KLHL32: variants seen among roughly 807,000 people sequenced by gnomAD.
KLHL32 encodes the protein kelch-like protein 32.
Under a neutral mutation model 64.8 loss-of-function variants are expected in KLHL32, and 35 were observed. The ratio of observed to expected loss-of-function variants is 0.54; its 90% CI spans 0.41 to 0.72. The LOEUF is 0.72. Ranked by LOEUF, KLHL32 falls within the 30% of genes least tolerant of loss-of-function variation. The pLI, the probability that KLHL32 is intolerant of heterozygous loss-of-function variation, is 0.00. For missense variants in KLHL32, 589 were observed against 768.5 expected (o/e 0.77, Z 2.76); for synonymous variants, 259 against 281.0 (o/e 0.92, Z 0.78).
chr6:97,019,697 A>G lies in KLHL32; in HGVS notation c.205-21795A>G, dbSNP rs117387465. On this transcript the variant is annotated intron_variant, in intron 3 of 10. Coordinates refer to ENST00000369261, the MANE Select transcript of KLHL32 (RefSeq NM_052904.4). ...TTAAAAATAGGAGACATCCAAAATAAGAGCTATGCTTTCAACCGTAATAAA... is the reference window on the plus strand; with the variant it reads ...TTAAAAATAGGAGACATCCAAAATAGGAGCTATGCTTTCAACCGTAATAAA... Among the ~76,000 whole-genome samples, 43 of 152,344 alleles carry G rather than the reference A, an allele frequency of 2.8e-4. 1 individual carries two copies. In the East Asian group the frequency reaches 6.9e-3, roughly 25 times the overall value.
upstream of KLHL32, among the ~76,000 whole-genome samples, chr6:96,920,290 T>C (rs777591425): frequency 6.6e-6 from 1 of 152,330 alleles, no homozygotes; most frequent in Non-Finnish European, 1.5e-5. Flanking sequence ...CACTGAGTCT[T>C]CATTCAACTA....
At chr6:97,040,804 G>T (rs899528731) in intron 3 of KLHL32, among the ~76,000 whole-genome samples, 1 of 152,188 alleles carries the variant, frequency 6.6e-6, no homozygotes, top group African/African-American at 2.4e-5. Context: ...ATGATAGTGA[G>T]TGAGTTCTCA....
chr6:97,036,233 A>G (rs1288526041), intron 3 of KLHL32, among the ~76,000 whole-genome samples: 4 of 152,152 alleles, frequency 2.6e-5, no homozygotes, highest in Non-Finnish European at 5.9e-5. Flanking sequence ...TATGTATTAC[A>G]TAAAATTTAC....
At chr6:96,918,815 T>C in the KLHL32 span, among the ~76,000 whole-genome samples, 2 of 152,220 alleles carry the variant, frequency 1.3e-5, no homozygotes, top group African/African-American at 4.8e-5. Context: ...AAATGTGTTT[T>C]GAAGCAGTAA....
intron 1 of KLHL32, among the ~76,000 whole-genome samples, chr6:96,951,302 TC>T (rs1281792759): frequency 4.6e-5 from 7 of 152,110 alleles, no homozygotes; most frequent in Admixed American, 3.9e-4. Context: ...TACACCTTGT[TC>T]CTGGAGTATT....
At position 97,140,521 on chromosome 6, in the gene KLHL32, T is replaced by TACA. The variant is rs1302144251; in HGVS notation, c.*1245_*1247dup. 5 of 152,074 alleles carry TACA rather than the reference T, an allele frequency of 3.3e-5. No homozygotes were observed. The highest frequency in any genetic ancestry group is 7.2e-5 in the African/African-American group (3 of 41,464). 9.4% of individuals were successfully genotyped at this position (152,074 alleles called of 1,614,324 possible). On this transcript the variant is annotated 3_prime_UTR_variant, in exon 11 of 11. Transcript: ENST00000369261. ...TGCTTTGTCTATAACAAAAAATAAA[T>TACA]ACAACAACTTAATAATCACATTTGA...
At chr6:97,051,031 A>C (rs1786818125) in intron 4 of KLHL32, among the ~76,000 whole-genome samples, 1 of 147,106 alleles carries the variant, frequency 6.8e-6, no homozygotes, top group Non-Finnish European at 1.5e-5. Context: ...AACAAAAAAC[A>C]CATGTGTTTG....
intron 4 of KLHL32, among the ~76,000 whole-genome samples, chr6:97,060,307 G>A (rs1412258000): frequency 6.6e-6 from 1 of 152,198 alleles, no homozygotes; most frequent in African/African-American, 2.4e-5. Context: ...AATCCAAGAG[G>A]CTAGGTATAA....
intron 3 of KLHL32, among the ~76,000 whole-genome samples, chr6:96,980,727 T>G (rs374068275): frequency 3.9e-5 from 6 of 152,258 alleles, no homozygotes; most frequent in Middle Eastern, 3.4e-3. Flanking sequence ...GTAGTTTTAG[T>G]AGGAATTGTA....
chr6:96,962,833 T>C (rs1375317776), intron 1 of KLHL32, among the ~76,000 whole-genome samples: 1 of 152,204 alleles, frequency 6.6e-6, no homozygotes, highest in African/African-American at 2.4e-5. Flanking sequence ...CCTAGCTGCA[T>C]ATTGATATGT....
Position 97,064,615 on chromosome 6 carries a change from A to G in KLHL32, c.313-13A>G. Reference sequence around the variant, plus strand: ...GTAACTGATAGTTTTATTTTTGTTAACAAACAAAACAGATTTTGCTGGAGC... The same window carrying G: ...GTAACTGATAGTTTTATTTTTGTTAGCAAACAAAACAGATTTTGCTGGAGC... On this transcript the variant is annotated splice_polypyrimidine_tract_variant and intron_variant, in intron 4 of 10. Transcript: ENST00000369261. The G allele has an allele frequency of 6.2e-7, 1 of 1,604,778 alleles. No individual in the cohort carries two copies. The highest frequency in any genetic ancestry group is 1.1e-5 in the South Asian group (1 of 90,648).
At chr6:97,008,076 G>A (rs145738392) in intron 3 of KLHL32, among the ~76,000 whole-genome samples, 10 of 152,330 alleles carry the variant, frequency 6.6e-5, no homozygotes, top group Non-Finnish European at 1.2e-4. Flanking sequence ...GGTGGTTGTG[G>A]TGGTGGTGAC....
At chr6:97,058,107 TC>T (rs751344648) in intron 4 of KLHL32, among the ~76,000 whole-genome samples, 1 of 152,320 alleles carries the variant, frequency 6.6e-6, no homozygotes. Context: ...TTGATCTGTT[TC>T]TCTCTTCTTT....
At chr6:97,077,168 G>A (rs1791723113) in intron 5 of KLHL32, among the ~76,000 whole-genome samples, 1 of 152,170 alleles carries the variant, frequency 6.6e-6, no homozygotes, top group Non-Finnish European at 1.5e-5. Flanking sequence ...CCAAGCTGGA[G>A]TGGCCTGCCT....
chr6:96,909,351 G>T, the KLHL32 span, among the ~76,000 whole-genome samples: 2 of 152,166 alleles, frequency 1.3e-5, no homozygotes, highest in Admixed American at 6.5e-5. Flanking sequence ...TGTCACGAAG[G>T]CTTATTTTTG....
chr6:96,939,833 C>G (rs568516693), intron 1 of KLHL32, among the ~76,000 whole-genome samples: 1 of 152,090 alleles, frequency 6.6e-6, no homozygotes, highest in East Asian at 1.9e-4. Context: ...TACAGGGGAA[C>G]AGTAATCAGA....
intron 4 of KLHL32, among the ~76,000 whole-genome samples, chr6:97,049,212 A>G (rs1217789938): frequency 1.3e-5 from 2 of 152,234 alleles, no homozygotes; most frequent in Non-Finnish European, 2.9e-5. Flanking sequence ...CAATAAGATT[A>G]ACAACAATTA....
At chr6:96,958,621 T>G (rs1459621888) in intron 1 of KLHL32, among the ~76,000 whole-genome samples, 1 of 152,198 alleles carries the variant, frequency 6.6e-6, no homozygotes, top group African/African-American at 2.4e-5. Flanking sequence ...AGTAGGGCAG[T>G]GAGACGATCA....
At chr6:97,099,780 C>T (rs1161401345) in intron 6 of KLHL32, among the ~76,000 whole-genome samples, 1 of 151,910 alleles carries the variant, frequency 6.6e-6, no homozygotes, top group Non-Finnish European at 1.5e-5. Flanking sequence ...ACTTATCTGA[C>T]ATTTATTGTT....
Sources: gnomAD v4.1 joint callset for allele counts (sites outside exome capture counted in the v4.1 genomes callset) on GRCh38, gnomAD v4.1.1 for gene constraint, MANE v1.5 for transcripts, NCBI Gene and HGNC (gene_info 2026-07-23, HGNC 2026-07-21) for gene names.